The following NCLN variants were observed in gnomAD, a reference collection of about 807,000 sequenced individuals.
NCLN encodes BOS complex subunit NCLN.
Under a neutral mutation model 69.5 loss-of-function variants are expected in NCLN, and 34 were observed. The ratio of observed to expected loss-of-function variants is 0.49; its 90% CI spans 0.37 to 0.65. The LOEUF (loss-of-function observed/expected upper bound fraction) is 0.65, where lower values mean the gene tolerates loss of function less well. Among genes scored for constraint, NCLN ranks in the 30% least tolerant of loss-of-function variants. The pLI is 0.00. For missense variants in NCLN, 710 were observed against 804.8 expected, an observed-to-expected ratio of 0.88 and a Z score of 1.42; for synonymous variants, 393 against 358.3, an observed-to-expected ratio of 1.10 and a Z score of -1.09.
intron 1 of NCLN, among the ~76,000 whole-genome samples, chr19:3,186,443 C>A (rs369499259): frequency 5.3e-5 from 8 of 152,198 alleles, no homozygotes; most frequent in East Asian, 1.9e-4. Flanking sequence ...GCCCCCGGCC[C>A]CTGCCTAGGT....
rs764820993 is a variant in NCLN, at chr19:3,207,719, C to T, written c.*31C>T. On this transcript the variant is annotated 3_prime_UTR_variant, in exon 15 of 15. Transcript: ENST00000246117. ...CCACCCCCACAGCCGGAGCCCCCGC[C>T]GCTCCACAGTCCCTGGGGCCGAGCA... 26 of 1,584,992 alleles carry T rather than the reference C, an allele frequency of 1.6e-5. No individual in the cohort carries two copies. Among genetic ancestry groups the T allele is most frequent in the Admixed American group, 1.2e-4 (7 of 59,828 alleles).
chr19:3,192,005 A>G (rs965115926), intron 1 of NCLN, among the ~76,000 whole-genome samples: 11 of 152,210 alleles, frequency 7.2e-5, no homozygotes, highest in African/African-American at 2.6e-4. Context: ...CCTGGCCAAC[A>G]GGCAAAACCC....
rs756499440 is a variant in NCLN, at chr19:3,205,974, C to T, written c.1244C>T (p.Thr415Met). 8 of 1,613,696 alleles carry T rather than the reference C, an allele frequency of 5.0e-6. No individual in the cohort carries two copies. The Admixed American group carries it at 8.3e-5, about 17-fold the overall frequency. The change falls in exon 10 of 15, where the codon ACG becomes ATG. Residue 415 changes from threonine (T) to methionine (M), a missense_variant. Coordinates refer to ENST00000246117, the MANE Select transcript of NCLN (RefSeq NM_020170.4). The surrounding 1 kb of genome is among the most constrained non-coding windows in gnomAD (Gnocchi z 4.6). ...RVDSKTLTRNTRIIAEALTRV... is the reference protein window; with the variant it reads ...RVDSKTLTRNMRIIAEALTRV... Reference sequence around the variant, plus strand: ...GATTCTAAGACCCTGACCCGTAACACGAGGATCATTGCAGAGGCCCTGACT... The same window carrying T: ...GATTCTAAGACCCTGACCCGTAACATGAGGATCATTGCAGAGGCCCTGACT...
intron 5 of NCLN, among the ~76,000 whole-genome samples, chr19:3,200,845 A>G (rs983892688): frequency 6.6e-6 from 1 of 151,966 alleles, no homozygotes; most frequent in Non-Finnish European, 1.5e-5. Flanking sequence ...GACGGGTCCT[A>G]TGAACAGATC....
At chr19:3,190,461 G>A (rs1209004583) in intron 1 of NCLN, among the ~76,000 whole-genome samples, 1 of 152,186 alleles carries the variant, frequency 6.6e-6, no homozygotes, top group Non-Finnish European at 1.5e-5. Context: ...CACCCCGTTG[G>A]AGCAGGCTGC....
rs374992622 is a variant in NCLN, at chr19:3,208,640, G to C, written c.*952G>C. The C allele has an allele frequency of 2.0e-5, 3 of 152,502 alleles. No individual in the cohort carries two copies. Among genetic ancestry groups the C allele is most frequent in the East Asian group, 3.8e-4 (2 of 5,202 alleles). The allele number at this position is 152,502 out of a possible 1,614,324, so 9.4% of individuals were successfully genotyped here. A position where few individuals can be genotyped will look rare whatever the true frequency, so the allele number is the denominator to read the frequency against. On this transcript the variant is annotated 3_prime_UTR_variant, in exon 15 of 15. Coordinates refer to ENST00000246117, the MANE Select transcript of NCLN (RefSeq NM_020170.4). Reference sequence around the variant, plus strand: ...TGGTCCTCCCTGGGGAACTGGGTGCGGGTGGAGTACTGGGAGGCAGGAGGT... The same window carrying C: ...TGGTCCTCCCTGGGGAACTGGGTGCCGGTGGAGTACTGGGAGGCAGGAGGT...
At position 3,205,466 on chromosome 19, in the gene NCLN, T is replaced by C. The variant is rs1916240660; in HGVS notation, c.1209-473T>C. Among the ~76,000 whole-genome samples the C allele has an allele frequency of 6.6e-6, 1 of 152,132 alleles. No homozygotes were observed. The highest frequency in any genetic ancestry group is 2.1e-4 in the South Asian group (1 of 4,820). On this transcript the variant is annotated intron_variant, in intron 9 of 14. Coordinates refer to ENST00000246117, the MANE Select transcript of NCLN (RefSeq NM_020170.4). This position sits in a 1 kb window ranked among gnomAD's most constrained non-coding sequence, Gnocchi z 4.6. ...GCACATCCCTGGGTAATCGCAGTCCTGGAAAGGATGGAGGTGGCGGTCGCC... is the reference window on the plus strand; with the variant it reads ...GCACATCCCTGGGTAATCGCAGTCCCGGAAAGGATGGAGGTGGCGGTCGCC...
At chr19:3,201,671 C>G (rs1210258896) in intron 6 of NCLN, 45 bp downstream of exon 6, 2 of 1,362,118 alleles carry the variant, frequency 1.5e-6, no homozygotes, top group Non-Finnish European at 2.0e-6. Flanking sequence ...GGGGGCCACA[C>G]TGCCGGACAG....
intron 4 of NCLN, among the ~76,000 whole-genome samples, chr19:3,197,958 G>C (rs1916012141): frequency 6.6e-6 from 1 of 152,330 alleles, no homozygotes; most frequent in African/African-American, 2.4e-5. Flanking sequence ...CCATGCTGAT[G>C]CATGTGCAAG....
At position 3,205,993 on chromosome 19, in the gene NCLN, CCT is replaced by C; in HGVS notation, c.1264_1265del (p.Leu422AspfsTer76). 1 of 1,613,662 alleles carries C rather than the reference CCT, an allele frequency of 6.2e-7. No homozygotes were observed. The highest frequency in any genetic ancestry group is 8.5e-7 in the Non-Finnish European group (1 of 1,179,964). On this transcript the variant is annotated frameshift_variant, in exon 10 of 15. Transcript: ENST00000246117. LOFTEE classifies it high-confidence loss of function. This position sits in a 1 kb window ranked among gnomAD's most constrained non-coding sequence, Gnocchi z 4.6. ...TRNTRIIAEA[L>X]TRVIYNLTEK... ...GTAACACGAGGATCATTGCAGAGGC[CCT>C]GACTCGAGTCATCTACAACCTGACA...
At chr19:3,192,158 G>A (rs1019422396) in intron 1 of NCLN, among the ~76,000 whole-genome samples, 3 of 152,106 alleles carry the variant, frequency 2.0e-5, no homozygotes, top group Non-Finnish European at 2.9e-5. Flanking sequence ...GCTGCACTCC[G>A]GCCTGGGCAA....
chr19:3,196,622 G>A (rs1052028444), intron 4 of NCLN, among the ~76,000 whole-genome samples: 1 of 152,060 alleles, frequency 6.6e-6, no homozygotes, highest in Non-Finnish European at 1.5e-5. Context: ...CTGCAGTGTC[G>A]CCAGCCCCCT....
chr19:3,203,744 C>A lies in NCLN; in HGVS notation c.801-12C>A, dbSNP rs1599358145. 1 of 1,606,562 alleles carries A rather than the reference C, an allele frequency of 6.2e-7. No individual in the cohort carries two copies. Among genetic ancestry groups the A allele is most frequent in the African/African-American group, 1.3e-5 (1 of 74,988 alleles). ...TTGCCCGTCAAAGCTAACACTGGGT[C>A]TTCCCTCCCAGCTACAACCTCCTGT... On this transcript the variant is annotated splice_polypyrimidine_tract_variant and intron_variant, in intron 6 of 14. Coordinates refer to ENST00000246117, the MANE Select transcript of NCLN (RefSeq NM_020170.4).
chr19:3,200,940 G>T (rs1302665880), intron 5 of NCLN, among the ~76,000 whole-genome samples: 2 of 152,188 alleles, frequency 1.3e-5, no homozygotes, highest in African/African-American at 4.8e-5. Context: ...TGCCACCGAG[G>T]TCCCCTTTAT....
At chr19:3,192,297 GT>G (rs11346280) in intron 1 of NCLN, among the ~76,000 whole-genome samples, 172 bp from the exon 2 acceptor site, 61,889 of 151,906 alleles carry the variant, frequency 0.41, 12,850 homozygotes, top group East Asian at 0.54. Context: ...CCTGTGACCC[GT>G]TATGTCGGGG....
intron 8 of NCLN, 25 bp downstream of exon 8, chr19:3,204,169 T>C: frequency 6.7e-7 from 1 of 1,495,178 alleles, no homozygotes; most frequent in Non-Finnish European, 8.9e-7. Context: ...CATGGATGGG[T>C]CCGGAGCTCT....
rs1306466814 is a variant in NCLN at position 3,207,073 on chromosome 19, C to A, written c.1500-125C>A. On this transcript the variant is annotated intron_variant, in intron 12 of 14. Coordinates refer to ENST00000246117, the MANE Select transcript of NCLN (RefSeq NM_020170.4). ...TCTTGACTTCAAGTGATCCGCCTGC[C>A]TCAACCTCCCAAAGTGCTGGGATTG... is the stretch of plus-strand genomic sequence containing the variant. 11 of 1,107,610 alleles carry A rather than the reference C, an allele frequency of 9.9e-6. No individual in the cohort carries two copies. The East Asian group carries it at 2.6e-4, about 26-fold the overall frequency. 68.6% of individuals were successfully genotyped at this position (1,107,610 alleles called of 1,614,324 possible).
chr19:3,198,557 C>T (rs1474415056), intron 4 of NCLN, among the ~76,000 whole-genome samples: 1 of 151,592 alleles, frequency 6.6e-6, no homozygotes, highest in Admixed American at 6.6e-5. Flanking sequence ...TTCTCCTGCT[C>T]TCCCCGATTT....
At chr19:3,186,772 G>C (rs185224494) in intron 1 of NCLN, among the ~76,000 whole-genome samples, 11 of 152,286 alleles carry the variant, frequency 7.2e-5, no homozygotes, top group Non-Finnish European at 1.3e-4. Flanking sequence ...ATTTCTGCCA[G>C]GCTGAGCCAC....
Sources: gnomAD v4.1 joint callset for allele counts (sites outside exome capture counted in the v4.1 genomes callset) on GRCh38, gnomAD v4.1.1 for gene constraint, Gnocchi (gnomAD v3.1) non-coding constraint, MANE v1.5 for transcripts, NCBI Gene and HGNC (gene_info 2026-07-23, HGNC 2026-07-21) for gene names.